Variants in SCAMP5 observed in about 807,000 individuals in gnomAD.
The protein encoded by SCAMP5 is secretory carrier membrane protein 5.
In SCAMP5, 7 loss-of-function variants were observed where a neutral mutation model predicts 28.3. The ratio of observed to expected loss-of-function variants is 0.25; its 90% confidence interval spans 0.14 to 0.46. The LOEUF (loss-of-function observed/expected upper bound fraction) is 0.46. Ranked by LOEUF, SCAMP5 falls within the 20% of genes least tolerant of loss-of-function variation. The pLI is 0.99. For missense variants in SCAMP5, 192 were observed against 312.5 expected (o/e 0.61, Z 2.91); for synonymous variants, 117 against 116.4 (o/e 1.00, Z -0.03).
intron 1 of SCAMP5, among the ~76,000 whole-genome samples, chr15:74,998,626 C>T (rs1369283710): frequency 6.7e-6 from 1 of 149,810 alleles, no homozygotes; most frequent in African/African-American, 2.5e-5. Context: ...AAAAAAAGAA[C>T]TTTGGTTTGC....
intron 1 of SCAMP5, among the ~76,000 whole-genome samples, chr15:75,008,498 AT>A (rs1303939175): frequency 7.4e-6 from 1 of 135,186 alleles, no homozygotes; most frequent in African/African-American, 2.8e-5. Flanking sequence ...GCTCATCTTT[AT>A]TCTTTTTTTT....
intron 1 of SCAMP5, among the ~76,000 whole-genome samples, chr15:75,011,341 G>A (rs562136943): frequency 6.6e-6 from 1 of 152,298 alleles, no homozygotes; most frequent in East Asian, 1.9e-4. Flanking sequence ...GTGATTGACT[G>A]TTTCATGGGG....
chr15:75,012,814 C>T lies in SCAMP5; in HGVS notation c.136+9C>T, dbSNP rs1184457826. ...CTACTACCTCTGGATGTGTGAGTGC[C>T]ATGGGATGGGGGTGGGCCAGGGTGG... On this transcript the variant is annotated intron_variant, in intron 3 of 6. Coordinates refer to ENST00000425597, the MANE Select transcript of SCAMP5 (RefSeq NM_138967.4). 5.0e-6 allele frequency: 8 copies of T among 1,613,740 alleles called. No individual in the cohort carries two copies. Among genetic ancestry groups the T allele is most frequent in the Admixed American group, 1.7e-5 (1 of 60,004 alleles).
At chr15:75,016,914 G>C (rs1209755507) in intron 4 of SCAMP5, among the ~76,000 whole-genome samples, 165 bp downstream of exon 4, 3 of 151,762 alleles carry the variant, frequency 2.0e-5, no homozygotes, top group Non-Finnish European at 4.4e-5. Context: ...TGGGCTTTCT[G>C]GGGGTGCCAA....
chr15:75,005,811 G>T (rs770410652), intron 1 of SCAMP5, among the ~76,000 whole-genome samples: 1 of 151,772 alleles, frequency 6.6e-6, no homozygotes, highest in African/African-American at 2.4e-5. Context: ...TGCAACCTCC[G>T]CCTCCCGGGT....
intron 1 of SCAMP5, among the ~76,000 whole-genome samples, chr15:75,002,601 C>T (rs535815193): frequency 4.7e-4 from 71 of 152,164 alleles, no homozygotes; most frequent in Admixed American, 1.0e-3. Flanking sequence ...GCCATCCTTT[C>T]ACATGGGAGC....
chr15:75,001,025 C>A (rs2065701663), intron 1 of SCAMP5, among the ~76,000 whole-genome samples: 1 of 151,956 alleles, frequency 6.6e-6, no homozygotes, highest in African/African-American at 2.4e-5. Context: ...CTTTGGGAGG[C>A]TGAGGCGGGC....
intron 3 of SCAMP5, among the ~76,000 whole-genome samples, chr15:75,013,819 G>C (rs1438934149): frequency 6.6e-6 from 1 of 152,124 alleles, no homozygotes; most frequent in Non-Finnish European, 1.5e-5. Flanking sequence ...CAGAGTAAGA[G>C]CCTGCCTCTA....
chr15:75,018,573 G>A lies in SCAMP5; in HGVS notation c.513+38G>A. 1 of 1,408,130 alleles carries A rather than the reference G, an allele frequency of 7.1e-7. No individual in the cohort carries two copies. 87.2% of individuals were successfully genotyped at this position (1,408,130 alleles called of 1,614,324 possible). On this transcript the variant is annotated intron_variant, in intron 6 of 6. Coordinates refer to ENST00000425597, the MANE Select transcript of SCAMP5 (RefSeq NM_138967.4). The surrounding 1 kb of genome is among the most constrained non-coding windows in gnomAD (Gnocchi z 5.6). Reference sequence around the variant, plus strand: ...CTCAAGGGTGAGAAGGTGGCTTTGGGAAGGGGCCATGTTCTGAAACAAGCC... The same window carrying A: ...CTCAAGGGTGAGAAGGTGGCTTTGGAAAGGGGCCATGTTCTGAAACAAGCC...
At chr15:74,997,809 A>T (rs1412157432) in intron 1 of SCAMP5, among the ~76,000 whole-genome samples, 4 of 152,222 alleles carry the variant, frequency 2.6e-5, no homozygotes, top group African/African-American at 9.6e-5. Context: ...CATCAGTAGG[A>T]CAGGGACAGC....
chr15:75,012,643 G>C (rs774744894), intron 2 of SCAMP5, 34 bp from the exon 3 acceptor site: 1 of 1,613,244 alleles, frequency 6.2e-7, no homozygotes, highest in East Asian at 2.2e-5. Context: ...GTGGAAGACT[G>C]GAGGTGATGT....
intron 3 of SCAMP5, 39 bp downstream of exon 3, chr15:75,012,844 A>T (rs1388960662): frequency 6.2e-7 from 1 of 1,611,150 alleles, no homozygotes; most frequent in African/African-American, 1.3e-5. Flanking sequence ...GGGTGGCTGG[A>T]GGAGGCAGGA....
intron 2 of SCAMP5, 42 bp from the exon 3 acceptor site, chr15:75,012,635 G>A (rs1459910772): frequency 1.2e-6 from 2 of 1,612,368 alleles, no homozygotes; most frequent in Admixed American, 1.7e-5. Flanking sequence ...ATTGTCGGGT[G>A]GAAGACTGGA....
rs377165146 is a variant in SCAMP5 at position 75,016,633 on chromosome 15, C to T, written c.177C>T (p.Leu59=). 1.7e-5 allele frequency: 28 copies of T among 1,613,728 alleles called. No homozygotes were observed. Among genetic ancestry groups the T allele is most frequent in the Admixed American group, 1.7e-4 (10 of 60,004 alleles). ...TGGCCGTGAACCTGGTGGGCTGTCT[C>T]GCGTGGCTGATCGGAGGCGGGGGAG... is the stretch of plus-strand genomic sequence containing the variant. ...VTLAVNLVGC[L]AWLIGGGGAT... Residue 59 remains leucine, a synonymous_variant, in exon 4 of 7, where the codon CTC becomes CTT. Transcript: ENST00000425597.
At chr15:75,011,682 T>C (rs2065813092) in intron 1 of SCAMP5, 110 bp from the exon 2 acceptor site, 2 of 475,450 alleles carry the variant, frequency 4.2e-6, no homozygotes, top group Admixed American at 6.6e-5. Context: ...ACTGTGGGAG[T>C]ATGTGCTGGG....
Position 74,996,301 on chromosome 15 carries a change from C to G in SCAMP5, c.-49+628C>G, listed in dbSNP as rs1249856704. 2 of 152,362 alleles carry G rather than the reference C, an allele frequency of 1.3e-5. No individual in the cohort carries two copies. The highest frequency in any genetic ancestry group is 2.9e-5 in the Non-Finnish European group (2 of 68,154). The allele number at this position is 152,362 out of a possible 1,614,324, so 9.4% of individuals were successfully genotyped here. On this transcript the variant is annotated intron_variant, in intron 1 of 6. Coordinates refer to ENST00000425597, the MANE Select transcript of SCAMP5 (RefSeq NM_138967.4). This position sits in a 1 kb window ranked among gnomAD's most constrained non-coding sequence, Gnocchi z 4.1. ...GGATTTGGCTCATTTCAACGCTGGC[C>G]GGAGGTCACGAGGATGGAGGTGAGG...
chr15:75,016,848 CT>C (rs1448673872), intron 4 of SCAMP5, 99 bp downstream of exon 4: 2 of 1,041,292 alleles, frequency 1.9e-6, no homozygotes, highest in African/African-American at 1.6e-5. Context: ...TTTTTTTACC[CT>C]CCCCCAAACT....
intron 1 of SCAMP5, among the ~76,000 whole-genome samples, chr15:75,004,008 G>A (rs1018077667): frequency 1.3e-5 from 2 of 151,992 alleles, no homozygotes; most frequent in Non-Finnish European, 2.9e-5. Context: ...GGGTTCAAGC[G>A]ATTCTCCTGC....
At chr15:75,016,799 C>G (rs753481830) in intron 4 of SCAMP5, 50 bp downstream of exon 4, 3 of 1,474,054 alleles carry the variant, frequency 2.0e-6, no homozygotes, top group Non-Finnish European at 2.8e-6. Context: ...GCCCATCTCC[C>G]CTGTCTCTTC....
Sources: allele counts gnomAD v4.1 joint callset (sites outside exome capture counted in the v4.1 genomes callset), GRCh38; gene constraint gnomAD v4.1.1; non-coding constraint Gnocchi (gnomAD v3.1); transcripts MANE v1.5; gene names NCBI Gene and HGNC (gene_info 2026-07-23, HGNC 2026-07-21).